SLC39A7: variants seen among roughly 807,000 people sequenced by gnomAD.
SLC39A7 encodes the protein solute carrier family 39 member 7.
In SLC39A7, 25 loss-of-function variants were observed where a neutral mutation model predicts 39.7. The ratio of observed to expected loss-of-function variants is 0.63; its 90% CI spans 0.46 to 0.88. The LOEUF (loss-of-function observed/expected upper bound fraction) is 0.88, where lower values mean the gene tolerates loss of function less well. Among genes scored for constraint, SLC39A7 ranks in the 40% least tolerant of loss-of-function variants. The pLI is 0.00. For synonymous variants in SLC39A7, 181 were observed against 234.1 expected (o/e 0.77, Z 2.07); for missense variants, 501 against 592.1 (o/e 0.85, Z 1.60).
Position 33,201,259 on chromosome 6 carries a change from T to TGG in SLC39A7, c.18_19dup (p.Ala7GlyfsTer11). ...CTGGTCAGCGTGATGGCCAGAGGCC[T>TGG]GGGGGCCCCCCACTGGGTGGCCGTG... On this transcript the variant is annotated frameshift_variant, in exon 1 of 7. Coordinates refer to ENST00000374677, the MANE Select transcript of SLC39A7 (RefSeq NM_006979.3). LOFTEE classifies it high-confidence loss of function. This position sits in a 1 kb window ranked among gnomAD's most constrained non-coding sequence, Gnocchi z 5.9. 1 of 1,612,572 alleles carries TGG rather than the reference T, an allele frequency of 6.2e-7. No homozygotes were observed. The highest frequency in any genetic ancestry group is 8.5e-7 in the Non-Finnish European group (1 of 1,179,370).
chr6:33,202,278 T>C lies in SLC39A7; in HGVS notation c.650T>C (p.Leu217Pro), dbSNP rs1170038377. ...GHSHSGQGPI[L>P]SVGLWVLSGI... ...CCATTCCCAGGCCAGGGCCCCATTCTGTCTGTGGGACTGTGGGTTCTCAGT... is the reference window on the plus strand; with the variant it reads ...CCATTCCCAGGCCAGGGCCCCATTCCGTCTGTGGGACTGTGGGTTCTCAGT... Residue 217 changes from leucine to proline, a missense_variant, in exon 4 of 7, where the codon CTG (leucine) becomes CCG (proline). Transcript: ENST00000374677. 2.5e-6 allele frequency: 4 copies of C among 1,613,012 alleles called. No individual in the cohort carries two copies. The highest frequency in any genetic ancestry group is 3.4e-6 in the Non-Finnish European group (4 of 1,179,992).
intron 3 of SLC39A7, 62 bp downstream of exon 3, chr6:33,202,187 T>C (rs536880413): frequency 1.3e-6 from 2 of 1,597,480 alleles, no homozygotes; most frequent in Non-Finnish European, 1.7e-6. Flanking sequence ...CTCTCCCTAT[T>C]CCTCACCTCC....
Position 33,202,692 on chromosome 6 carries a change from G to A in SLC39A7, c.932G>A (p.Arg311Lys), listed in dbSNP as rs1249750674. The A allele has an allele frequency of 6.3e-7, 1 of 1,592,602 alleles. No homozygotes were observed. The highest frequency in any genetic ancestry group is 2.2e-5 in the East Asian group (1 of 44,820). ...VRPQNAEEEK[R>K]GLDLRVSGYL... The stretch of plus-strand genomic sequence containing the variant: ...CCTCAGAACGCTGAAGAAGAAAAAA[G>A]AGGCTTAGGTAAGGGCCAGAGTTGG... Residue 311 changes from arginine (R) to lysine (K), a missense_variant, in exon 5 of 7, where the codon AGA becomes AAA. By Grantham distance (26) the Arg-to-Lys change is conservative. Coordinates refer to ENST00000374677, the MANE Select transcript of SLC39A7 (RefSeq NM_006979.3).
intron 6 of SLC39A7, 133 bp downstream of exon 6, chr6:33,203,239 A>G: frequency 2.4e-6 from 2 of 836,426 alleles, no homozygotes; most frequent in South Asian, 3.5e-5. Flanking sequence ...ATGAGGGGGA[A>G]GAAGTTCTGG....
Position 33,201,312 on chromosome 6 carries a change from C to T in SLC39A7, c.67C>T (p.Leu23Phe), listed in dbSNP as rs1282966357. 6.2e-7 allele frequency: 1 copy of T among 1,614,014 alleles called. No individual in the cohort carries two copies. Among genetic ancestry groups the T allele is most frequent in the East Asian group, 2.2e-5 (1 of 44,854 alleles). The part of the protein sequence containing the change: ...VGLLTWATLG[L>F]LVAGLGGHDD... ...ACTGCTGACCTGGGCGACCTTGGGG[C>T]TTCTGGTGGCTGGACTCGGGGGTCA... is the stretch of plus-strand genomic sequence containing the variant. Residue 23 changes from leucine to phenylalanine, a missense_variant, in exon 1 of 7, where the codon CTT becomes TTT. Transcript: ENST00000374677. The surrounding 1 kb of genome is among the most constrained non-coding windows in gnomAD (Gnocchi z 5.9).
chr6:33,201,615 G>C lies in SLC39A7; in HGVS notation c.370G>C (p.Gly124Arg), dbSNP rs35690712. Residue 124 changes from glycine (G) to arginine (R), a missense_variant, in exon 1 of 7, where the codon GGC (glycine) becomes CGC (arginine). Transcript: ENST00000374677. This position sits in a 1 kb window ranked among gnomAD's most constrained non-coding sequence, Gnocchi z 5.9. ...HGGYGESGAPGIKQDLDAVTL... is the reference protein window; with the variant it reads ...HGGYGESGAPRIKQDLDAVTL... Reference sequence around the variant, plus strand: ...AGGCTATGGGGAGTCTGGGGCTCCAGGCATCAAGCAGGACCTGGATGCTGT... The same window carrying C: ...AGGCTATGGGGAGTCTGGGGCTCCACGCATCAAGCAGGACCTGGATGCTGT... 0.033 allele frequency: 53,165 copies of C among 1,612,224 alleles called. 1,244 individuals are homozygous for C. Among genetic ancestry groups the C allele is most frequent in the Middle Eastern group, 0.072 (439 of 6,062 alleles).
rs1478412305 is a variant in SLC39A7 at position 33,201,595 on chromosome 6, A to G, written c.350A>G (p.Tyr117Cys). The stretch of plus-strand genomic sequence containing the variant: ...GACCATGAGCATAGCCATGGAGGCT[A>G]TGGGGAGTCTGGGGCTCCAGGCATC... ...GHDHEHSHGG[Y>C]GESGAPGIKQ... The change falls in exon 1 of 7, where the codon TAT becomes TGT. Residue 117 changes from tyrosine (Y) to cysteine (C), a missense_variant. Physicochemically the swap from Tyr to Cys is radical, Grantham distance 194. Transcript: ENST00000374677. The surrounding 1 kb of genome is among the most constrained non-coding windows in gnomAD (Gnocchi z 5.9). 3.7e-6 allele frequency: 6 copies of G among 1,613,332 alleles called. No homozygotes were observed. The highest frequency in any genetic ancestry group is 2.2e-5 in the South Asian group (2 of 91,068).
rs755259564 is a variant in SLC39A7, at chr6:33,202,687, A to G, written c.927A>G (p.Glu309=). ...GPVRPQNAEE[E]KRGLDLRVSG... ...TGAGACCTCAGAACGCTGAAGAAGA[A>G]AAAAGAGGCTTAGGTAAGGGCCAGA... The change falls in exon 5 of 7, where the codon GAA becomes GAG. Residue 309 remains glutamate, a synonymous_variant. Coordinates refer to ENST00000374677, the MANE Select transcript of SLC39A7 (RefSeq NM_006979.3). The G allele has an allele frequency of 6.3e-7, 1 of 1,593,998 alleles. No individual in the cohort carries two copies. The highest frequency in any genetic ancestry group is 8.5e-7 in the Non-Finnish European group (1 of 1,174,902).
Position 33,201,229 on chromosome 6 carries a change from T to C in SLC39A7, c.-17T>C. 1 of 1,598,050 alleles carries C rather than the reference T, an allele frequency of 6.3e-7. No individual in the cohort carries two copies. The highest frequency in any genetic ancestry group is 1.4e-5 in the African/African-American group (1 of 74,018). On this transcript the variant is annotated 5_prime_UTR_variant, in exon 1 of 7. Transcript: ENST00000374677. The surrounding 1 kb of genome is among the most constrained non-coding windows in gnomAD (Gnocchi z 5.9). ...GAGTCAAGTGGAGTCACTGCCTCTG[T>C]CCCTCTGGTCAGCGTGATGGCCAGA...
chr6:33,203,611 G>A lies in SLC39A7; in HGVS notation c.1208G>A (p.Gly403Glu). 6.2e-7 allele frequency: 1 copy of A among 1,614,236 alleles called. No homozygotes were observed. The highest frequency in any genetic ancestry group is 8.5e-7 in the Non-Finnish European group (1 of 1,180,026). Residue 403 changes from glycine (G) to glutamate (E), a missense_variant, in exon 7 of 7, where the codon GGA becomes GAA. By Grantham distance (98) the Gly-to-Glu change is moderately conservative (BLOSUM62 -2). Coordinates refer to ENST00000374677, the MANE Select transcript of SLC39A7 (RefSeq NM_006979.3). ...ACAGCCTGTGCCCTTCTCACTGAAG[G>A]AGGAGCAGTGGGCAGTGAAATTGCA... ...AGTACALLTE[G>E]GAVGSEIAGG...
In SLC39A7 at chr6:33,202,574, G is replaced by C; in HGVS notation, c.814G>C (p.Glu272Gln). The change falls in exon 5 of 7, where the codon GAG (glutamate) becomes CAG (glutamine). Residue 272 changes from glutamate (E) to glutamine (Q), a missense_variant. Glu to Gln is a conservative substitution (Grantham distance 29). Coordinates refer to ENST00000374677, the MANE Select transcript of SLC39A7 (RefSeq NM_006979.3). Reference sequence around the variant, plus strand: ...TCTTCCCTCAGAGCGTTCTACCAAGGAGAAGCAGAGCTCAGAGGAAGAAGA... The same window carrying C: ...TCTTCCCTCAGAGCGTTCTACCAAGCAGAAGCAGAGCTCAGAGGAAGAAGA... Reference protein sequence around the residue: ...GHGRQERSTKEKQSSEEEEKE... With the variant: ...GHGRQERSTKQKQSSEEEEKE... The C allele has an allele frequency of 6.2e-7, 1 of 1,606,410 alleles. No individual in the cohort carries two copies. The highest frequency in any genetic ancestry group is 8.5e-7 in the Non-Finnish European group (1 of 1,177,988).
intron 6 of SLC39A7, among the ~76,000 whole-genome samples, chr6:33,203,312 G>A (rs1343408151): frequency 1.3e-5 from 2 of 152,190 alleles, no homozygotes; most frequent in Non-Finnish European, 2.9e-5. Flanking sequence ...ATGGTTTAGT[G>A]GAGTCTTACA....
Position 33,202,717 on chromosome 6 carries a change from G to T in SLC39A7, c.940+17G>T. On this transcript the variant is annotated intron_variant, in intron 5 of 6. Coordinates refer to ENST00000374677, the MANE Select transcript of SLC39A7 (RefSeq NM_006979.3). Reference sequence around the variant, plus strand: ...GAGGCTTAGGTAAGGGCCAGAGTTGGTGATAAATTTGGGCAAGGGACATCA... The same window carrying T: ...GAGGCTTAGGTAAGGGCCAGAGTTGTTGATAAATTTGGGCAAGGGACATCA... The T allele has an allele frequency of 6.3e-7, 1 of 1,578,968 alleles. No homozygotes were observed. Among genetic ancestry groups the T allele is most frequent in the Admixed American group, 2.0e-5 (1 of 49,628 alleles).
chr6:33,202,164 G>A (rs1774634334), intron 3 of SLC39A7, 39 bp downstream of exon 3: 2 of 1,608,732 alleles, frequency 1.2e-6, no homozygotes, highest in East Asian at 4.5e-5. Context: ...TTGGGGTGCT[G>A]GGGAAGGTCC....
chr6:33,202,744 C>T, intron 5 of SLC39A7, 44 bp downstream of exon 5: 6 of 1,571,088 alleles, frequency 3.8e-6, no homozygotes, highest in Non-Finnish European at 5.2e-6. Flanking sequence ...GGGACATCAT[C>T]ACAAATCACA....
Position 33,201,758 on chromosome 6 carries a change from C to T in SLC39A7, c.425C>T (p.Thr142Ile), listed in dbSNP as rs760588820. ...CTCCCTCACCAGGCACTGGGGGCCA[C>T]AGTGCTGATCTCAGCAGCTCCATTT... Reference protein sequence around the residue: ...VTLWAYALGATVLISAAPFFV... With the variant: ...VTLWAYALGAIVLISAAPFFV... Residue 142 changes from threonine (T) to isoleucine (I), a missense_variant, in exon 2 of 7, where the codon ACA becomes ATA. Physicochemically the swap from Thr to Ile is moderately conservative, Grantham distance 89. Coordinates refer to ENST00000374677, the MANE Select transcript of SLC39A7 (RefSeq NM_006979.3). The surrounding 1 kb of genome is among the most constrained non-coding windows in gnomAD (Gnocchi z 5.9). 1.9e-6 allele frequency: 3 copies of T among 1,614,018 alleles called. No individual in the cohort carries two copies. The East Asian group carries it at 6.7e-5, about 36-fold the overall frequency.
rs995836764 is a variant in SLC39A7 at position 33,204,095 on chromosome 6, G to A, written c.*282G>A. 1.8e-6 allele frequency: 1 copy of A among 565,880 alleles called. No homozygotes were observed. The highest frequency in any genetic ancestry group is 3.2e-6 in the Non-Finnish European group (1 of 316,704). The allele number at this position is 565,880 out of a possible 1,614,324, so 35.1% of individuals were successfully genotyped here. Reference sequence around the variant, plus strand: ...AAGAAGGCTGGAAGGGACAGGGGGTGATGGCAGCCTACCTGGTGTCCCCTA... The same window carrying A: ...AAGAAGGCTGGAAGGGACAGGGGGTAATGGCAGCCTACCTGGTGTCCCCTA... On this transcript the variant is annotated 3_prime_UTR_variant, in exon 7 of 7. Coordinates refer to ENST00000374677, the MANE Select transcript of SLC39A7 (RefSeq NM_006979.3).
chr6:33,201,787 G>A lies in SLC39A7; in HGVS notation c.454G>A (p.Val152Ile). ...GCTGATCTCAGCAGCTCCATTTTTT[G>A]TCCTCTTCCTTATCCCCGTGGAGTC... ...TVLISAAPFF[V>I]LFLIPVESNS... Residue 152 changes from valine to isoleucine, a missense_variant, in exon 2 of 7, where the codon GTC becomes ATC. Coordinates refer to ENST00000374677, the MANE Select transcript of SLC39A7 (RefSeq NM_006979.3). This position sits in a 1 kb window ranked among gnomAD's most constrained non-coding sequence, Gnocchi z 5.9. The A allele has an allele frequency of 1.2e-6, 2 of 1,613,784 alleles. No homozygotes were observed. The highest frequency in any genetic ancestry group is 1.1e-5 in the South Asian group (1 of 91,078).
chr6:33,202,018 T>C (rs892286546), intron 2 of SLC39A7, 54 bp from the exon 3 acceptor site: 11 of 1,598,174 alleles, frequency 6.9e-6, no homozygotes, highest in African/African-American at 1.3e-5. Flanking sequence ...TTCCCCCAAA[T>C]ACACACTCAT....
Sources: gnomAD v4.1 joint callset for allele counts (sites outside exome capture counted in the v4.1 genomes callset) on GRCh38, gnomAD v4.1.1 for gene constraint, Gnocchi (gnomAD v3.1) non-coding constraint, MANE v1.5 for transcripts, NCBI Gene and HGNC (gene_info 2026-07-23, HGNC 2026-07-21) for gene names.